Variants in GAB3 observed in about 807,000 individuals in gnomAD.
The protein encoded by GAB3 is GRB2 associated binding protein 3.
A neutral mutation model predicts 40.4 loss-of-function variants in GAB3; 12 were observed. The observed-to-expected ratio is 0.30, with a 90% CI of 0.19 to 0.48. The LOEUF is 0.48. Among genes scored for constraint, GAB3 ranks in the 20% least tolerant of loss-of-function variants. The pLI is 0.99. For missense variants in GAB3, 381 were observed against 461.9 expected (o/e 0.82, Z 1.61); for synonymous variants, 154 against 176.7 (o/e 0.87, Z 1.02).
intron 1 of GAB3, among the ~76,000 whole-genome samples, chrX:154,744,814 A>C (rs983630393): frequency 4.4e-5 from 5 of 112,615 alleles, no homozygotes; most frequent in Non-Finnish European, 9.4e-5. Context: ...ATTTTAAAGA[A>C]TATAAATCAT....
intron 1 of GAB3, among the ~76,000 whole-genome samples, chrX:154,738,454 G>A (rs1393146629): frequency 5.3e-5 from 6 of 112,330 alleles, no homozygotes; most frequent in African/African-American, 1.9e-4. Context: ...TTAACACCAG[G>A]ACCAATTTCT....
At chrX:154,681,056 A>T (rs1341420462) in intron 8 of GAB3, among the ~76,000 whole-genome samples, 3 of 112,183 alleles carry the variant, frequency 2.7e-5, no homozygotes, top group Non-Finnish European at 5.6e-5. Context: ...GGGCTATTGT[A>T]AGCAATGCTG....
intron 1 of GAB3, among the ~76,000 whole-genome samples, chrX:154,725,549 G>C (rs1437066406): frequency 4.5e-5 from 5 of 111,026 alleles, no homozygotes; most frequent in African/African-American, 1.6e-4. Context: ...AGAAAGCAGA[G>C]ATCGGAATTC....
chrX:154,725,024 A>C (rs1205746231), intron 1 of GAB3, among the ~76,000 whole-genome samples: 1 of 111,784 alleles, frequency 8.9e-6, no homozygotes, highest in East Asian at 2.8e-4. Context: ...CTTCATAAAA[A>C]GGGGAAATTG....
intron 4 of GAB3, among the ~76,000 whole-genome samples, chrX:154,704,443 G>A (rs781860562): frequency 1.3e-4 from 15 of 111,720 alleles, no homozygotes; most frequent in Non-Finnish European, 2.3e-4. Context: ...AATGCATGAT[G>A]TGATTATTTC....
chrX:154,686,709 G>T (rs2070455174), intron 8 of GAB3, among the ~76,000 whole-genome samples: 1 of 109,094 alleles, frequency 9.2e-6, no homozygotes, highest in Admixed American at 9.8e-5. Flanking sequence ...TGGGATTACA[G>T]GTGCGAGCCA....
chrX:154,712,322 A>T lies in GAB3; in HGVS notation c.976T>A (p.Trp326Arg), dbSNP rs782120854. The T allele has an allele frequency of 1.1e-5, 13 of 1,207,345 alleles. No individual in the cohort carries two copies. Among genetic ancestry groups the T allele is most frequent in the Non-Finnish European group, 1.5e-5 (13 of 894,141 alleles). ...TTCTTGCTACCACTGTGTGTACTCC[A>T]CTCCTCTTGGCGCCGTTCAGACAGA... ...SHLSERRQEE[W>R]STHSGSKKPE... The change falls in exon 4 of 10, where the codon TGG (tryptophan) becomes AGG (arginine). Residue 326 changes from tryptophan to arginine, a missense_variant. Physicochemically the swap from Trp to Arg is moderately radical, Grantham distance 101. Transcript: ENST00000424127.
At chrX:154,719,582 A>ACT (rs2071097711) in intron 1 of GAB3, among the ~76,000 whole-genome samples, 1 of 112,462 alleles carries the variant, frequency 8.9e-6, no homozygotes, top group African/African-American at 3.2e-5. Flanking sequence ...GAAAAAGAAC[A>ACT]GTCACACAGT....
At chrX:154,700,138 T>TAACAC (rs2070719220) in intron 4 of GAB3, 79 bp from the exon 5 acceptor site, 1 of 803,867 alleles carries the variant, frequency 1.2e-6, no homozygotes, top group Non-Finnish European at 1.9e-6. Context: ...CAGAGAAGCA[T>TAACAC]AACACAACAG....
intron 2 of GAB3, among the ~76,000 whole-genome samples, chrX:154,715,686 A>C (rs1197935603): frequency 8.9e-6 from 1 of 112,054 alleles, no homozygotes; most frequent in Non-Finnish European, 1.9e-5. Flanking sequence ...GCAATATTTG[A>C]TATTTCTAGA....
intron 4 of GAB3, among the ~76,000 whole-genome samples, 195 bp from the exon 5 acceptor site, chrX:154,700,254 T>C (rs1449961178): frequency 9.0e-6 from 1 of 111,666 alleles, no homozygotes; most frequent in Non-Finnish European, 1.9e-5. Flanking sequence ...GTTCTCTCTG[T>C]GAAATAGGAG....
chrX:154,751,314 G>T (rs1436582426), upstream of GAB3, among the ~76,000 whole-genome samples: 1 of 99,676 alleles, frequency 1.0e-5, no homozygotes, highest in Non-Finnish European at 2.0e-5. Context: ...GGGAGCCTAC[G>T]CAGCAGGGCG....
intron 1 of GAB3, among the ~76,000 whole-genome samples, chrX:154,717,795 A>G (rs146994093): frequency 1.8e-5 from 2 of 111,917 alleles, no homozygotes; most frequent in East Asian, 5.6e-4. Context: ...CTGCCCTCTC[A>G]TGGAGCCAGG....
intron 1 of GAB3, among the ~76,000 whole-genome samples, chrX:154,717,706 G>A (rs1375785026): frequency 9.0e-6 from 1 of 111,657 alleles, no homozygotes; most frequent in Non-Finnish European, 1.9e-5. Context: ...CAAAGAAAGG[G>A]TGCAGATCTC....
chrX:154,703,775 C>G (rs915725668), intron 4 of GAB3, among the ~76,000 whole-genome samples: 1 of 111,926 alleles, frequency 8.9e-6, no homozygotes, highest in Non-Finnish European at 1.9e-5. Context: ...GAAAAGGGAA[C>G]CTTTGTACAC....
At chrX:154,744,268 A>G (rs2071493392) in intron 1 of GAB3, among the ~76,000 whole-genome samples, 1 of 107,119 alleles carries the variant, frequency 9.3e-6, no homozygotes, top group Non-Finnish European at 1.9e-5. Context: ...ACCCAACTCT[A>G]TGCTGTATAT....
chrX:154,742,710 A>T (rs2071461149), intron 1 of GAB3, among the ~76,000 whole-genome samples: 1 of 110,959 alleles, frequency 9.0e-6, no homozygotes, highest in African/African-American at 3.3e-5. Flanking sequence ...GTCAATGCTA[A>T]GGGAAAGAAG....
chrX:154,740,445 T>C (rs2071419642), intron 1 of GAB3, among the ~76,000 whole-genome samples: 1 of 112,211 alleles, frequency 8.9e-6, no homozygotes, highest in South Asian at 3.7e-4. Flanking sequence ...ATAAGGGTTC[T>C]CCGCTTCTAG....
intron 8 of GAB3, among the ~76,000 whole-genome samples, chrX:154,691,964 A>G (rs1157998136): frequency 8.9e-6 from 1 of 112,024 alleles, no homozygotes; most frequent in Non-Finnish European, 1.9e-5. Context: ...AATGTCCACA[A>G]GCAAAAGAAT....
Sources: allele counts gnomAD v4.1 joint callset (sites outside exome capture counted in the v4.1 genomes callset), GRCh38; gene constraint gnomAD v4.1.1; transcripts MANE v1.5; gene names NCBI Gene and HGNC (gene_info 2026-07-23, HGNC 2026-07-21).